Variants in CIMAP3 observed in about 807,000 individuals in gnomAD.
The protein encoded by CIMAP3 is ciliary microtubule-associated protein 3.
the CIMAP3 span, among the ~76,000 whole-genome samples, chr1:111,346,015 TA>T: frequency 1.1e-4 from 17 of 148,892 alleles, no homozygotes; most frequent in South Asian, 4.3e-4. Flanking sequence ...CCCCAACTTC[TA>T]AAAAAAAAAC....
At chr1:111,347,622 C>A in the CIMAP3 span, 1 of 809,738 alleles carries the variant, frequency 1.2e-6, no homozygotes. Flanking sequence ...TTTTTTCTTT[C>A]TTTTTTTTTT....
chr1:111,336,045 A>C, the CIMAP3 span, among the ~76,000 whole-genome samples: 1 of 152,234 alleles, frequency 6.6e-6, no homozygotes, highest in African/African-American at 2.4e-5. Context: ...CGGTTCATGA[A>C]AAACCGCTGT....
the CIMAP3 span, among the ~76,000 whole-genome samples, chr1:111,342,291 G>T: frequency 3.9e-5 from 6 of 152,276 alleles, no homozygotes; most frequent in Non-Finnish European, 8.8e-5. Context: ...GAAAAAAACT[G>T]CCAGCTAAGA....
chr1:111,350,363 T>C, the CIMAP3 span: 1 of 676,362 alleles, frequency 1.5e-6, no homozygotes, highest in East Asian at 2.5e-5. Context: ...ATTTTGTGTG[T>C]ATATGAATCT....
At chr1:111,340,132 C>A in the CIMAP3 span, among the ~76,000 whole-genome samples, 1 of 152,022 alleles carries the variant, frequency 6.6e-6, no homozygotes, top group Non-Finnish European at 1.5e-5. Context: ...ATAAATGGTG[C>A]TGGGAAAACT....
chr1:111,338,356 C>A, the CIMAP3 span, among the ~76,000 whole-genome samples: 9 of 151,436 alleles, frequency 5.9e-5, no homozygotes, highest in African/African-American at 1.7e-4. Context: ...CAGAGCAGAA[C>A]TGAAGGAAAT....
At chr1:111,325,914 C>A in the CIMAP3 span, among the ~76,000 whole-genome samples, 3 of 152,124 alleles carry the variant, frequency 2.0e-5, no homozygotes, top group African/African-American at 7.2e-5. Flanking sequence ...TTACCAATTT[C>A]TGATAGCAGA....
chr1:111,351,348 G>C, the CIMAP3 span: 10 of 1,536,348 alleles, frequency 6.5e-6, no homozygotes, highest in African/African-American at 7.0e-5. Flanking sequence ...CTACCTTCAC[G>C]TGCTCCTCTT....
At chr1:111,346,884 C>G in the CIMAP3 span, 1 of 1,610,610 alleles carries the variant, frequency 6.2e-7, no homozygotes, top group Non-Finnish European at 8.5e-7. Context: ...CCGTCCCTCA[C>G]GTGGAGCCTC....
At chr1:111,333,817 G>C in the CIMAP3 span, among the ~76,000 whole-genome samples, 1 of 152,124 alleles carries the variant, frequency 6.6e-6, no homozygotes, top group Non-Finnish European at 1.5e-5. Context: ...TCTTCTTTTG[G>C]GGAGTGTCAG....
the CIMAP3 span, among the ~76,000 whole-genome samples, chr1:111,347,435 T>A: frequency 1.3e-5 from 2 of 152,030 alleles, no homozygotes; most frequent in East Asian, 3.9e-4. Context: ...TGTCCTATAG[T>A]CTACGTATCC....
At chr1:111,346,843 C>T in the CIMAP3 span, 3 of 1,592,360 alleles carry the variant, frequency 1.9e-6, no homozygotes, top group Non-Finnish European at 2.6e-6. Flanking sequence ...CGACCTTCCC[C>T]TCCCGGAACG....
At chr1:111,342,075 C>T in the CIMAP3 span, among the ~76,000 whole-genome samples, 454 of 152,198 alleles carry the variant, frequency 3.0e-3, 10 homozygotes, top group East Asian at 3.7e-3. Context: ...ACAGTAAGGT[C>T]TGACAACATT....
chr1:111,351,568 G>T, the CIMAP3 span: 1 of 343,652 alleles, frequency 2.9e-6, no homozygotes. Flanking sequence ...GTTGGGTGCT[G>T]AGTTGGGTGA....
the CIMAP3 span, chr1:111,352,243 T>C: frequency 6.6e-6 from 1 of 152,594 alleles, no homozygotes; most frequent in Admixed American, 6.5e-5. Flanking sequence ...GGATTGGCAC[T>C]AAATGTGATT....
the CIMAP3 span, among the ~76,000 whole-genome samples, chr1:111,326,606 T>C: frequency 2.0e-5 from 3 of 152,160 alleles, no homozygotes; most frequent in Admixed American, 2.0e-4. Flanking sequence ...AATGCAGGTA[T>C]CCCTTTGATA....
At chr1:111,333,477 G>A in the CIMAP3 span, among the ~76,000 whole-genome samples, 1 of 152,176 alleles carries the variant, frequency 6.6e-6, no homozygotes. Context: ...CTAATCTGGG[G>A]CAATGCAGGT....
chr1:111,336,444 A>C, the CIMAP3 span, among the ~76,000 whole-genome samples: 1 of 152,154 alleles, frequency 6.6e-6, no homozygotes, highest in African/African-American at 2.4e-5. Context: ...AAGTTAAAAA[A>C]TTTGAAAAAA....
the CIMAP3 span, among the ~76,000 whole-genome samples, chr1:111,341,222 G>C: frequency 9.3e-5 from 14 of 150,808 alleles, no homozygotes; most frequent in Middle Eastern, 3.4e-3. Context: ...TGGGGGGAAG[G>C]GGGGAGGGAT....
Sources: allele counts gnomAD v4.1 joint callset (sites outside exome capture counted in the v4.1 genomes callset), GRCh38; gene constraint gnomAD v4.1.1; transcripts MANE v1.5; gene names NCBI Gene and HGNC (gene_info 2026-07-23, HGNC 2026-07-21).